The following CCDC102B variants were observed in gnomAD, a reference collection of about 807,000 sequenced individuals.
CCDC102B encodes coiled-coil domain-containing protein 102B.
A neutral mutation model predicts 57.4 loss-of-function variants in CCDC102B; 75 were observed. The observed-to-expected ratio is 1.31, with a 90% confidence interval of 1.08 to 1.58. The LOEUF (loss-of-function observed/expected upper bound fraction) is 1.58. Among genes scored for constraint, CCDC102B ranks in the 40% most tolerant of loss-of-function variants. CCDC102B has a pLI of 0.00. For synonymous variants in CCDC102B, 206 were observed against 201.9 expected, an observed-to-expected ratio of 1.02 and a Z score of -0.17; for missense variants, 636 against 582.6, an observed-to-expected ratio of 1.09 and a Z score of -0.94.
Position 68,867,255 on chromosome 18 carries a change from G to T in CCDC102B, c.937-7414G>T, listed in dbSNP as rs374822692. Among the ~76,000 whole-genome samples, 938 of 152,312 alleles carry T rather than the reference G, an allele frequency of 6.2e-3. 7 individuals carry two copies. Among genetic ancestry groups the T allele is most frequent in the South Asian group, 0.021 (100 of 4,834 alleles). On this transcript the variant is annotated intron_variant, in intron 4 of 7. Transcript: ENST00000360242. ...TCCGCCCGTCTCGGCCTCCCGAAGT[G>T]CTGGGATTACAGGCGTGAGCCACCG... is the stretch of plus-strand genomic sequence containing the variant.
upstream of CCDC102B, among the ~76,000 whole-genome samples, chr18:68,796,841 G>A (rs983895190): frequency 9.3e-4 from 36 of 38,900 alleles, no homozygotes; most frequent in South Asian, 4.5e-3. Flanking sequence ...TTATGTACAT[G>A]CATGTGTGTG....
At chr18:68,931,205 A>G (rs990892117) in intron 6 of CCDC102B, among the ~76,000 whole-genome samples, 1 of 151,874 alleles carries the variant, frequency 6.6e-6, no homozygotes, top group Non-Finnish European at 1.5e-5. Flanking sequence ...TGTTTGTTTT[A>G]TATAATGAAG....
At chr18:68,867,796 T>C (rs139720885) in intron 4 of CCDC102B, among the ~76,000 whole-genome samples, 5,992 of 89,346 alleles carry the variant, frequency 0.067, 327 homozygotes, top group African/African-American at 0.19. Context: ...TAGTCAGGAG[T>C]GGTGGCGGGC....
chr18:68,942,831 T>A lies in CCDC102B; in HGVS notation c.1263+45403T>A, dbSNP rs550332672. On this transcript the variant is annotated intron_variant, in intron 6 of 7. Transcript: ENST00000360242. ...CACAGACCCTTTACAGGTGTCGGGC[T>A]GGGGTACGGTCAGGTCTTTCCCTTC... 4.7e-5 allele frequency among the ~76,000 whole-genome samples: 7 copies of A among 148,918 alleles called. No individual in the cohort carries two copies. In the Admixed American group the frequency reaches 4.8e-4, roughly 10 times the overall value.
intron 6 of CCDC102B, among the ~76,000 whole-genome samples, chr18:68,992,371 G>A (rs555537057): frequency 5.9e-5 from 9 of 152,260 alleles, no homozygotes; most frequent in African/African-American, 1.9e-4. Flanking sequence ...CATCTCTTAA[G>A]TGATCTCCGT....
intron 4 of CCDC102B, among the ~76,000 whole-genome samples, chr18:68,857,314 A>C (rs1317782021): frequency 2.5e-4 from 1 of 3,946 alleles, no homozygotes; most frequent in African/African-American, 7.3e-4. Context: ...ATATATATTT[A>C]TATATTATAT....
chr18:68,896,463 T>G (rs1426469262), intron 5 of CCDC102B, among the ~76,000 whole-genome samples: 1 of 151,842 alleles, frequency 6.6e-6, no homozygotes, highest in Non-Finnish European at 1.5e-5. Flanking sequence ...TGACAAAACT[T>G]TAGTGTAAAG....
intron 7 of CCDC102B, among the ~76,000 whole-genome samples, chr18:69,021,508 A>C (rs7226708): frequency 0.033 from 5,008 of 152,208 alleles, 292 homozygotes; most frequent in African/African-American, 0.11. Context: ...CCTAACCTCT[A>C]TATTAGGTGT....
intron 6 of CCDC102B, among the ~76,000 whole-genome samples, chr18:68,923,615 GAAGC>G (rs934174366): frequency 6.6e-6 from 1 of 151,988 alleles, no homozygotes; most frequent in Non-Finnish European, 1.5e-5. Context: ...TATGTAACAA[GAAGC>G]AAGTATTCAA....
intron 1 of CCDC102B, among the ~76,000 whole-genome samples, chr18:68,803,140 A>G (rs983772438): frequency 1.3e-5 from 2 of 152,212 alleles, no homozygotes; most frequent in African/African-American, 4.8e-5. Flanking sequence ...CACCTTCTTT[A>G]GAGAAGACTG....
intron 5 of CCDC102B, among the ~76,000 whole-genome samples, chr18:68,883,512 G>A (rs1403890810): frequency 7.9e-5 from 12 of 152,148 alleles, no homozygotes; most frequent in Admixed American, 5.9e-4. Flanking sequence ...TCATATGTAC[G>A]ATTTTGTTCA....
At chr18:68,828,309 C>G (rs1396426382) in intron 1 of CCDC102B, among the ~76,000 whole-genome samples, 1 of 98,110 alleles carries the variant, frequency 1.0e-5, no homozygotes, top group Non-Finnish European at 1.8e-5. Context: ...CACCAAGGTA[C>G]ATACCCTATT....
At chr18:68,922,786 G>T (rs2041329203) in intron 6 of CCDC102B, among the ~76,000 whole-genome samples, 1 of 151,674 alleles carries the variant, frequency 6.6e-6, no homozygotes, top group Admixed American at 6.6e-5. Flanking sequence ...ATGGAGCAGG[G>T]ACACAAATAA....
chr18:68,735,715 T>C (rs1247314369), intron 2 of CCDC102B, among the ~76,000 whole-genome samples: 1 of 152,198 alleles, frequency 6.6e-6, no homozygotes, highest in Non-Finnish European at 1.5e-5. Context: ...TCACACTGCT[T>C]TGCCCATATC....
At chr18:68,934,306 G>A (rs2041775450) in intron 6 of CCDC102B, among the ~76,000 whole-genome samples, 1 of 151,838 alleles carries the variant, frequency 6.6e-6, no homozygotes, top group African/African-American at 2.4e-5. Flanking sequence ...TGAAGATTTA[G>A]CTCCTTTCAT....
chr18:68,881,580 A>C lies in CCDC102B; in HGVS notation c.1053+6795A>C, dbSNP rs184915972. ...TCTCTAATGTGGGTGGATTTCATCC[A>C]AACAATTGAAGACCTAAATAGAACA... On this transcript the variant is annotated intron_variant, in intron 5 of 7. Coordinates refer to ENST00000360242, the MANE Select transcript of CCDC102B (RefSeq NM_024781.3). Among the ~76,000 whole-genome samples, 74 of 152,238 alleles carry C rather than the reference A, an allele frequency of 4.9e-4. 1 individual carries two copies. In the East Asian group the frequency reaches 0.014, roughly 28 times the overall value.
At chr18:68,924,038 A>C (rs781208715) in intron 6 of CCDC102B, among the ~76,000 whole-genome samples, 22 of 152,016 alleles carry the variant, frequency 1.4e-4, no homozygotes, top group Non-Finnish European at 2.5e-4. Context: ...CGTAGGATTA[A>C]AGTTTCTGAA....
At chr18:68,742,251 T>G (rs2033424307) in intron 2 of CCDC102B, among the ~76,000 whole-genome samples, 1 of 152,194 alleles carries the variant, frequency 6.6e-6, no homozygotes, top group Admixed American at 6.5e-5. Flanking sequence ...AGCATCACTG[T>G]GATCTCTTGC....
At chr18:68,915,847 A>C (rs1467996230) in intron 6 of CCDC102B, among the ~76,000 whole-genome samples, 1 of 152,234 alleles carries the variant, frequency 6.6e-6, no homozygotes, top group Non-Finnish European at 1.5e-5. Context: ...GTACGAATGA[A>C]GATTTTTTTC....
Sources: gnomAD v4.1 joint callset for allele counts (sites outside exome capture counted in the v4.1 genomes callset) on GRCh38, gnomAD v4.1.1 for gene constraint, MANE v1.5 for transcripts, NCBI Gene and HGNC (gene_info 2026-07-23, HGNC 2026-07-21) for gene names.